DHRSX: variants seen among roughly 807,000 people sequenced by gnomAD.
DHRSX encodes dehydrogenase/reductase X-linked.
Under a neutral mutation model 34.0 loss-of-function variants are expected in DHRSX, and 31 were observed. The ratio of observed to expected loss-of-function variants is 0.91; its 90% CI spans 0.69 to 1.23. The LOEUF is 1.23. DHRSX is among the 50% of genes most tolerant of loss of function. The probability of loss-of-function intolerance (pLI) is 0.00; values close to 1 mark genes in which losing one functional copy is unlikely to be tolerated. For synonymous variants in DHRSX, 201 were observed against 183.8 expected (o/e 1.09, Z -0.76); for missense variants, 414 against 428.1 (o/e 0.97, Z 0.29).
intron 5 of DHRSX, chrX:2,261,311 T>C (rs2041360882): frequency 6.6e-6 from 1 of 152,162 alleles, no homozygotes; most frequent in Admixed American, 6.6e-5. Context: ...CTCTTGTTAA[T>C]TGCACTTGGT....
intron 3 of DHRSX, among the ~76,000 whole-genome samples, chrX:2,330,097 GGAGGGAGAGAGA>G (rs1569489718): frequency 4.7e-4 from 16 of 34,116 alleles, no homozygotes; most frequent in South Asian, 4.2e-3. Context: ...GGGGGGGGAG[GGAGGGAGAGAGA>G]GAGAGAGAGA....
chrX:2,354,412 G>T (rs189233062), intron 3 of DHRSX, among the ~76,000 whole-genome samples: 1 of 152,178 alleles, frequency 6.6e-6, no homozygotes, highest in African/African-American at 2.4e-5. Context: ...ACAGACAGGG[G>T]TCATGGACAG....
chrX:2,406,629 C>T (rs1365033690), intron 3 of DHRSX, among the ~76,000 whole-genome samples: 14 of 151,756 alleles, frequency 9.2e-5, no homozygotes, highest in Admixed American at 3.9e-4. Flanking sequence ...TTAGTAGACT[C>T]GAGGTTTCAC....
At chrX:2,315,165 A>T (rs896564362) in intron 3 of DHRSX, among the ~76,000 whole-genome samples, 6 of 151,976 alleles carry the variant, frequency 3.9e-5, no homozygotes, top group African/African-American at 1.4e-4. Flanking sequence ...TTTCAATAAA[A>T]AAAAAAAAAA....
chrX:2,390,716 A>T (rs190679569), intron 3 of DHRSX, among the ~76,000 whole-genome samples: 3 of 152,332 alleles, frequency 2.0e-5, no homozygotes, highest in Non-Finnish European at 2.9e-5. Flanking sequence ...TGTACCTCAT[A>T]GGAGTGGAAT....
chrX:2,354,395 G>T (rs1467365092), intron 3 of DHRSX, among the ~76,000 whole-genome samples: 1 of 152,206 alleles, frequency 6.6e-6, no homozygotes, highest in African/African-American at 2.4e-5. Flanking sequence ...TTAGAGAGCA[G>T]GTGCTCACAG....
intron 1 of DHRSX, among the ~76,000 whole-genome samples, chrX:2,463,705 C>G (rs928910358): frequency 6.6e-6 from 1 of 152,098 alleles, no homozygotes; most frequent in Non-Finnish European, 1.5e-5. Context: ...GGGATGGTGA[C>G]GTGCAGAGAG....
intron 1 of DHRSX, among the ~76,000 whole-genome samples, chrX:2,481,613 C>G (rs895542427): frequency 1.3e-4 from 20 of 151,940 alleles, no homozygotes; most frequent in Non-Finnish European, 2.5e-4. Flanking sequence ...TTTCTGTGAG[C>G]CGAGATCGTG....
At chrX:2,481,081 GAT>G (rs1263444484) in intron 1 of DHRSX, among the ~76,000 whole-genome samples, 1 of 152,028 alleles carries the variant, frequency 6.6e-6, no homozygotes, top group African/African-American at 2.4e-5. Flanking sequence ...CTTGATTATT[GAT>G]ATGTTAATTA....
intron 3 of DHRSX, among the ~76,000 whole-genome samples, chrX:2,323,266 T>C (rs1257871761): frequency 6.6e-6 from 1 of 152,140 alleles, no homozygotes; most frequent in African/African-American, 2.4e-5. Flanking sequence ...TTCTGCCTTG[T>C]AGAGATGCAT....
At chrX:2,347,819 G>A (rs1334238758) in intron 3 of DHRSX, among the ~76,000 whole-genome samples, 2 of 152,102 alleles carry the variant, frequency 1.3e-5, no homozygotes, top group Admixed American at 6.5e-5. Flanking sequence ...AGCAACATAC[G>A]GTACATGGAT....
chrX:2,296,354 G>A (rs192254961), intron 3 of DHRSX, among the ~76,000 whole-genome samples: 226 of 152,184 alleles, frequency 1.5e-3, no homozygotes, highest in African/African-American at 4.9e-3. Context: ...GGGGAGGGAA[G>A]GAGAGGGAAA....
chrX:2,418,206 C>T (rs1374274765), intron 2 of DHRSX, among the ~76,000 whole-genome samples: 2 of 152,160 alleles, frequency 1.3e-5, no homozygotes, highest in East Asian at 3.9e-4. Context: ...TCAAACCATA[C>T]CTCATAATGA....
chrX:2,381,271 G>A (rs2043199109), intron 3 of DHRSX, among the ~76,000 whole-genome samples: 1 of 152,152 alleles, frequency 6.6e-6, no homozygotes, highest in Non-Finnish European at 1.5e-5. Context: ...AATGAGATGA[G>A]TGTCCTTCTA....
Position 2,286,230 on chromosome X carries a change from G to A in DHRSX, c.388+5272C>T, listed in dbSNP as rs186554927. On this transcript the variant is annotated intron_variant, in intron 4 of 6. Coordinates refer to ENST00000334651, the MANE Select transcript of DHRSX (RefSeq NM_145177.3). The stretch of plus-strand genomic sequence containing the variant: ...CATCAGACCCAGGCCTCCAGCACAC[G>A]GGCTTGTGCTGAATCCATTCTCAGT... Among the ~76,000 whole-genome samples, 1,114 of 150,734 alleles carry A rather than the reference G, an allele frequency of 7.4e-3. 9 individuals are homozygous for A. The highest frequency in any genetic ancestry group is 0.026 in the African/African-American group (1,060 of 41,008).
chrX:2,323,851 G>A (rs940342926), intron 3 of DHRSX, among the ~76,000 whole-genome samples: 1 of 151,912 alleles, frequency 6.6e-6, no homozygotes, highest in Non-Finnish European at 1.5e-5. Context: ...GGGGCTTCCG[G>A]TTTCTCCTCT....
chrX:2,363,867 G>C (rs1243555413), intron 3 of DHRSX, among the ~76,000 whole-genome samples: 3 of 152,112 alleles, frequency 2.0e-5, no homozygotes, highest in Non-Finnish European at 4.4e-5. Flanking sequence ...GAACATGCAT[G>C]ATGGAGCTGT....
At chrX:2,441,391 T>C (rs2044060351) in intron 1 of DHRSX, among the ~76,000 whole-genome samples, 1 of 152,154 alleles carries the variant, frequency 6.6e-6, no homozygotes, top group Non-Finnish European at 1.5e-5. Flanking sequence ...TATGTCTCTC[T>C]TAGTGGCTTT....
rs751106140 is a variant in DHRSX at position 2,284,957 on chromosome X, C to A, written c.388+6545G>T. On this transcript the variant is annotated intron_variant, in intron 4 of 6. Transcript: ENST00000334651. Reference sequence around the variant, plus strand: ...TAGCTCCTTCTTGCCTTGGAAGTCACCCTGGCTGAGCTCAGCTGGGGCTGT... The same window carrying A: ...TAGCTCCTTCTTGCCTTGGAAGTCAACCTGGCTGAGCTCAGCTGGGGCTGT... 3.3e-5 allele frequency among the ~76,000 whole-genome samples: 5 copies of A among 152,286 alleles called. No individual in the cohort carries two copies. The South Asian group carries it at 1.0e-3, about 32-fold the overall frequency.
Sources: allele counts gnomAD v4.1 joint callset (sites outside exome capture counted in the v4.1 genomes callset), GRCh38; gene constraint gnomAD v4.1.1; transcripts MANE v1.5; gene names NCBI Gene and HGNC (gene_info 2026-07-23, HGNC 2026-07-21).